ATAD2B: variants seen among roughly 807,000 people sequenced by gnomAD.
ATAD2B encodes ATPase family AAA domain containing 2B.
ATAD2B carries 40 observed loss-of-function variants against 167.6 expected under a neutral mutation model. That is an observed-to-expected ratio of 0.24 (90% confidence interval 0.19 to 0.31). ATAD2B has a LOEUF of 0.31. Among genes scored for constraint, ATAD2B ranks in the 10% least tolerant of loss-of-function variants. The pLI, the probability that ATAD2B is intolerant of heterozygous loss-of-function variation, is 1.00. For missense variants in ATAD2B, 1,242 were observed against 1,757.2 expected, an observed-to-expected ratio of 0.71 and a Z score of 5.24; for synonymous variants, 579 against 596.5, an observed-to-expected ratio of 0.97 and a Z score of 0.43.
downstream of ATAD2B, among the ~76,000 whole-genome samples, chr2:23,744,965 T>C (rs1277173681): frequency 2.6e-5 from 4 of 152,182 alleles, no homozygotes; most frequent in African/African-American, 9.7e-5. Context: ...CTCTGTGGTA[T>C]TCTACTATTT....
chr2:23,774,656 T>C (rs1678807357), intron 22 of ATAD2B, among the ~76,000 whole-genome samples: 1 of 152,132 alleles, frequency 6.6e-6, no homozygotes, highest in Non-Finnish European at 1.5e-5. Context: ...TCCCAACAGT[T>C]TGGGAGGCTG....
intron 8 of ATAD2B, among the ~76,000 whole-genome samples, chr2:23,873,664 G>A (rs1278407445): frequency 6.6e-6 from 1 of 151,938 alleles, no homozygotes; most frequent in Non-Finnish European, 1.5e-5. Context: ...AAATATTTTC[G>A]AGGTGTGGTT....
chr2:23,810,334 A>G lies in ATAD2B; in HGVS notation c.2436T>C (p.Pro812=). 1 of 1,613,758 alleles carries G rather than the reference A, an allele frequency of 6.2e-7. No homozygotes were observed. The highest frequency in any genetic ancestry group is 1.3e-5 in the African/African-American group (1 of 75,048). ...AACCTACCTGTGCACATGATTCCTC[A>G]GGTGTTTTGGCACTAACTGAATAAA... The part of the protein sequence containing the change: ...PALYSVSAKT[P]EESCAQIFRE... Residue 812 remains proline, a synonymous_variant, in exon 18 of 28, where the codon CCT becomes CCC. Transcript: ENST00000238789.
At chr2:23,874,456 T>C (rs1485521331) in intron 8 of ATAD2B, among the ~76,000 whole-genome samples, 3 of 152,154 alleles carry the variant, frequency 2.0e-5, no homozygotes, top group African/African-American at 7.2e-5. Context: ...CAGTAGCTCA[T>C]GCCTGTAATC....
intron 19 of ATAD2B, among the ~76,000 whole-genome samples, chr2:23,790,751 C>A (rs1681558813): frequency 6.6e-6 from 1 of 152,206 alleles, no homozygotes; most frequent in South Asian, 2.1e-4. Flanking sequence ...TCATTCCTGA[C>A]CCCTTCTTTA....
chr2:23,835,706 TG>T (rs1365450301), intron 13 of ATAD2B, among the ~76,000 whole-genome samples: 1 of 151,812 alleles, frequency 6.6e-6, no homozygotes. Flanking sequence ...GAGGCTGAGG[TG>T]GGTGGATCGT....
At chr2:23,727,800 T>G in the ATAD2B span, among the ~76,000 whole-genome samples, 2 of 152,170 alleles carry the variant, frequency 1.3e-5, no homozygotes, top group African/African-American at 4.8e-5. Context: ...GTTAAGTGAA[T>G]GAACAAATCT....
the ATAD2B span, chr2:23,693,509 A>G: frequency 6.5e-7 from 1 of 1,550,100 alleles, no homozygotes; most frequent in Non-Finnish European, 8.7e-7. Context: ...ATCAAGAAGG[A>G]CCCCGCGACA....
chr2:23,692,428 C>T, the ATAD2B span, among the ~76,000 whole-genome samples: 1 of 152,222 alleles, frequency 6.6e-6, no homozygotes, highest in Non-Finnish European at 1.5e-5. Context: ...TGCTACCCCG[C>T]ATGGGCGACG....
chr2:23,852,898 G>A (rs533760136), intron 13 of ATAD2B, among the ~76,000 whole-genome samples: 41 of 148,434 alleles, frequency 2.8e-4, no homozygotes, highest in African/African-American at 9.7e-4. Context: ...CAGCATGGGC[G>A]ACAGAGCGAG....
At chr2:23,737,370 A>T in the ATAD2B span, among the ~76,000 whole-genome samples, 2 of 152,238 alleles carry the variant, frequency 1.3e-5, no homozygotes, top group East Asian at 1.9e-4. Flanking sequence ...ACGATCAGGC[A>T]GCAGCATTTG....
intron 22 of ATAD2B, among the ~76,000 whole-genome samples, chr2:23,778,955 C>G (rs1368265924): frequency 6.6e-6 from 1 of 152,164 alleles, no homozygotes; most frequent in Non-Finnish European, 1.5e-5. Context: ...CTCTCACACA[C>G]TGCTCAAAAC....
In ATAD2B at chr2:23,767,908, C is replaced by CAA. The variant is rs536450571; in HGVS notation, c.3134-2282_3134-2281dup. Reference sequence around the variant, plus strand: ...GATGCAAAAACAAACAAAAAACAAACAAAAAAAAAAACAGAATAGAGAGGA... The same window carrying CAA: ...GATGCAAAAACAAACAAAAAACAAACAAAAAAAAAAAAACAGAATAGAGAGGA... On this transcript the variant is annotated intron_variant, in intron 22 of 27. Transcript: ENST00000238789. 3.8e-3 allele frequency among the ~76,000 whole-genome samples: 515 copies of CAA among 133,912 alleles called. 3 individuals carry two copies. Among genetic ancestry groups the CAA allele is most frequent in the African/African-American group, 0.014 (498 of 36,280 alleles). 87.9% of individuals were successfully genotyped at this position (133,912 alleles called of 152,430 possible).
chr2:23,876,174 A>G (rs1261506222), intron 7 of ATAD2B, among the ~76,000 whole-genome samples: 23 of 142,666 alleles, frequency 1.6e-4, no homozygotes, highest in East Asian at 1.1e-3. Flanking sequence ...TTGTATTTTT[A>G]GTAGAGACAG....
At chr2:23,907,106 AG>A (rs1701619381) in intron 1 of ATAD2B, among the ~76,000 whole-genome samples, 1 of 151,212 alleles carries the variant, frequency 6.6e-6, no homozygotes, top group Admixed American at 6.6e-5. Flanking sequence ...TAGTGTTGGA[AG>A]TTCTGGCCAG....
At chr2:23,695,177 T>C in the ATAD2B span, among the ~76,000 whole-genome samples, 6 of 152,102 alleles carry the variant, frequency 3.9e-5, no homozygotes, top group African/African-American at 1.2e-4. This position sits in a 1 kb window ranked among gnomAD's most constrained non-coding sequence, Gnocchi z 7.6. Context: ...ACAAGCTCAA[T>C]AGTCGCCATC....
intron 1 of ATAD2B, 99 bp downstream of exon 1, chr2:23,926,456 T>C (rs1235950002): frequency 2.8e-6 from 4 of 1,448,502 alleles, no homozygotes; most frequent in Admixed American, 5.2e-5. Context: ...GCCCGAGCGG[T>C]CTCCACTGTA....
the ATAD2B span, among the ~76,000 whole-genome samples, chr2:23,723,303 C>T: frequency 7.4e-6 from 1 of 135,044 alleles, no homozygotes; most frequent in Admixed American, 7.9e-5. Flanking sequence ...AACCAAAAAA[C>T]AACAGCAACA....
chr2:23,847,682 T>TA (rs755280338), intron 13 of ATAD2B, among the ~76,000 whole-genome samples: 8,412 of 143,632 alleles, frequency 0.059, 319 homozygotes, highest in African/African-American at 0.1. Flanking sequence ...GCTTTTGTTT[T>TA]AAAAAAAAAA....
Sources: allele counts gnomAD v4.1 joint callset (sites outside exome capture counted in the v4.1 genomes callset), GRCh38; gene constraint gnomAD v4.1.1; non-coding constraint Gnocchi (gnomAD v3.1); transcripts MANE v1.5; gene names NCBI Gene and HGNC (gene_info 2026-07-23, HGNC 2026-07-21).